SEMA6A: variants seen among roughly 807,000 people sequenced by gnomAD.
The protein encoded by SEMA6A is semaphorin 6A.
SEMA6A carries 25 observed loss-of-function variants against 96.8 expected under a neutral mutation model. The ratio of observed to expected loss-of-function variants is 0.26; its 90% CI spans 0.19 to 0.36. The LOEUF (loss-of-function observed/expected upper bound fraction) is 0.36, where lower values mean the gene tolerates loss of function less well. Ranked by LOEUF, SEMA6A falls within the 10% of genes least tolerant of loss-of-function variation. The pLI is 1.00. For missense variants in SEMA6A, 1,363 were observed against 1,323.1 expected (o/e 1.03, Z -0.47); for synonymous variants, 612 against 518.0 (o/e 1.18, Z -2.46).
intron 1 of SEMA6A, among the ~76,000 whole-genome samples, chr5:116,551,168 A>G (rs1760388578): frequency 2.6e-5 from 4 of 152,136 alleles, no homozygotes; most frequent in Admixed American, 2.6e-4. Context: ...AACATGGGTG[A>G]AATAATCTGA....
chr5:116,486,061 T>C (rs978576763), intron 10 of SEMA6A, among the ~76,000 whole-genome samples: 8 of 152,194 alleles, frequency 5.3e-5, no homozygotes, highest in African/African-American at 1.9e-4. Context: ...GTAGGTACAA[T>C]GTTTGATGAT....
intron 1 of SEMA6A, among the ~76,000 whole-genome samples, chr5:116,530,090 CAG>C (rs1759397150): frequency 6.6e-6 from 1 of 151,860 alleles, no homozygotes; most frequent in African/African-American, 2.4e-5. Context: ...TCTTTTCTTT[CAG>C]AGTTGTATTT....
rs766986949 is a variant in SEMA6A at position 116,447,745 on chromosome 5, G to A, written c.1961C>T (p.Ala654Val). The change falls in exon 19 of 19, where the codon GCA becomes GTA. Residue 654 changes from alanine to valine, a missense_variant. By Grantham distance (64) the Ala-to-Val change is moderately conservative. Around this residue, in one of 2 missense-constraint regions of SEMA6A, gnomAD observed 883 missense variants for 763.6 expected, o/e 1.16. Transcript: ENST00000343348. ...CCCCATGACGAAAGCCAGGATGACT[G>A]CAATGGCCAAGAGGGTGACGGGAAC... is the stretch of plus-strand genomic sequence containing the variant. ...QLVPVTLLAIAVILAFVMGAV... is the reference protein window; with the variant it reads ...QLVPVTLLAIVVILAFVMGAV... The A allele has an allele frequency of 1.9e-6, 3 of 1,613,708 alleles. No homozygotes were observed. The highest frequency in any genetic ancestry group is 2.5e-6 in the Non-Finnish European group (3 of 1,179,758).
At chr5:116,534,369 A>C (rs1304249766) in intron 1 of SEMA6A, among the ~76,000 whole-genome samples, 2 of 152,106 alleles carry the variant, frequency 1.3e-5, no homozygotes, top group Non-Finnish European at 2.9e-5. Flanking sequence ...CACAGACTCC[A>C]CATCTACATG....
At chr5:116,519,608 G>T (rs148008249) in intron 1 of SEMA6A, among the ~76,000 whole-genome samples, 2 of 152,020 alleles carry the variant, frequency 1.3e-5, no homozygotes, top group African/African-American at 4.8e-5. Flanking sequence ...TTCTGCCCTT[G>T]GGAAGTCTCC....
intron 1 of SEMA6A, among the ~76,000 whole-genome samples, chr5:116,539,739 A>C (rs1030631139): frequency 1.3e-5 from 2 of 152,166 alleles, no homozygotes; most frequent in Non-Finnish European, 2.9e-5. Context: ...CATTTCCATC[A>C]GTGGTGGAAA....
chr5:116,462,771 A>G (rs556434954), intron 18 of SEMA6A, among the ~76,000 whole-genome samples: 16 of 152,278 alleles, frequency 1.1e-4, no homozygotes, highest in Non-Finnish European at 2.4e-4. Context: ...TAATAGTTTA[A>G]TCTTCCCTGG....
chr5:116,459,732 C>T (rs1350954373), intron 18 of SEMA6A, among the ~76,000 whole-genome samples: 1 of 152,152 alleles, frequency 6.6e-6, no homozygotes. Flanking sequence ...AGTACTCTCC[C>T]TCCCCCTCTT....
intron 1 of SEMA6A, among the ~76,000 whole-genome samples, chr5:116,523,433 C>A (rs1462591334): frequency 6.6e-6 from 1 of 152,106 alleles, no homozygotes; most frequent in Non-Finnish European, 1.5e-5. Flanking sequence ...CCTGCCTCAG[C>A]CTCCCGAGTC....
At chr5:116,451,321 A>AG (rs1754618710) in intron 18 of SEMA6A, among the ~76,000 whole-genome samples, 1 of 152,224 alleles carries the variant, frequency 6.6e-6, no homozygotes, top group Non-Finnish European at 1.5e-5. Flanking sequence ...TGATAGTCGC[A>AG]GCTGCTCCAT....
chr5:116,466,687 G>A (rs1177972034), intron 18 of SEMA6A, among the ~76,000 whole-genome samples: 1 of 152,190 alleles, frequency 6.6e-6, no homozygotes, highest in Non-Finnish European at 1.5e-5. Context: ...CACAGTGGCT[G>A]CTCTGCCCTT....
chr5:116,556,976 A>T (rs1760633142), intron 1 of SEMA6A, among the ~76,000 whole-genome samples: 1 of 152,214 alleles, frequency 6.6e-6, no homozygotes. Context: ...GAGTATGCTT[A>T]TTCTTCATCC....
At chr5:116,514,602 G>A (rs553601788) in intron 1 of SEMA6A, among the ~76,000 whole-genome samples, 2 of 152,280 alleles carry the variant, frequency 1.3e-5, no homozygotes, top group African/African-American at 4.8e-5. Flanking sequence ...GTCACTTGCC[G>A]AATGTAGGAC....
At chr5:116,536,464 C>G (rs1759715643) in intron 1 of SEMA6A, 2 of 152,168 alleles carry the variant, frequency 1.3e-5, no homozygotes, top group Non-Finnish European at 2.9e-5. Flanking sequence ...GCATTGCGAA[C>G]TGTAAGTGGA....
intron 1 of SEMA6A, among the ~76,000 whole-genome samples, chr5:116,559,771 T>C (rs1760748933): frequency 6.6e-6 from 1 of 152,142 alleles, no homozygotes; most frequent in Non-Finnish European, 1.5e-5. Context: ...AACCATTTTT[T>C]ACTCCTTCCC....
Position 116,572,757 on chromosome 5 carries a change from A to G in SEMA6A, c.-39+1428T>C, listed in dbSNP as rs1435841904. 2.0e-5 allele frequency among the ~76,000 whole-genome samples: 3 copies of G among 152,074 alleles called. No individual in the cohort carries two copies. The East Asian group carries it at 5.8e-4, about 29-fold the overall frequency. On this transcript the variant is annotated intron_variant, in intron 1 of 18. Coordinates refer to ENST00000343348, the MANE Select transcript of SEMA6A (RefSeq NM_020796.5). ...AGGTTCCACTCTCCAAAGGGCCGGG[A>G]TCTAGCTCCTAGCTGCATCCCGAGC... is the stretch of plus-strand genomic sequence containing the variant.
chr5:116,537,296 G>A lies in SEMA6A; in HGVS notation c.-38-32314C>T, dbSNP rs111724467. ...ACTAAGAGGCATGTGACCTTACTTTGTAAAGAAGCTGTTCTTCCAGAGAAG... is the reference window on the plus strand; with the variant it reads ...ACTAAGAGGCATGTGACCTTACTTTATAAAGAAGCTGTTCTTCCAGAGAAG... On this transcript the variant is annotated intron_variant, in intron 1 of 18. Transcript: ENST00000343348. Among the ~76,000 whole-genome samples the A allele has an allele frequency of 6.8e-3, 1,035 of 152,280 alleles. 17 individuals carry two copies. Among genetic ancestry groups the A allele is most frequent in the African/African-American group, 0.021 (877 of 41,550 alleles).
At chr5:116,488,760 A>T in intron 8 of SEMA6A, 128 bp downstream of exon 8, 1 of 1,174,004 alleles carries the variant, frequency 8.5e-7, no homozygotes, top group Non-Finnish European at 1.1e-6. Flanking sequence ...GATGCAATTT[A>T]CATGTTTCTG....
chr5:116,449,179 T>C (rs1754470774), intron 18 of SEMA6A: 1 of 582,554 alleles, frequency 1.7e-6, no homozygotes, highest in Non-Finnish European at 3.1e-6. Flanking sequence ...ATGCAGTCGC[T>C]AAAAAATAAA....
Sources: allele counts gnomAD v4.1 joint callset (sites outside exome capture counted in the v4.1 genomes callset), GRCh38; gene constraint gnomAD v4.1.1; regional missense constraint gnomAD v4.1.1; transcripts MANE v1.5; gene names NCBI Gene and HGNC (gene_info 2026-07-23, HGNC 2026-07-21).